Variants in PDE10A observed in about 807,000 individuals in gnomAD.
PDE10A encodes the protein cAMP and cAMP-inhibited cGMP 3',5'-cyclic phosphodiesterase 10A.
Under a neutral mutation model 97.7 loss-of-function variants are expected in PDE10A, and 39 were observed. The observed-to-expected ratio is 0.40, with a 90% CI of 0.31 to 0.52. The LOEUF (loss-of-function observed/expected upper bound fraction) is 0.52, where lower values mean the gene tolerates loss of function less well. PDE10A is among the 20% of genes least tolerant of loss of function. PDE10A has a pLI of 0.56. For synonymous variants in PDE10A, 371 were observed against 376.8 expected (o/e 0.98, Z 0.18); for missense variants, 731 against 1,047.8 (o/e 0.70, Z 4.17).
chr6:165,725,824 C>T (rs935920484), intron 1 of PDE10A, among the ~76,000 whole-genome samples: 13 of 152,148 alleles, frequency 8.5e-5, no homozygotes, highest in East Asian at 1.9e-4. Context: ...AAGCACAAGA[C>T]GTATCCAACT....
chr6:165,898,798 G>A (rs1203376467), intron 1 of PDE10A, among the ~76,000 whole-genome samples: 5 of 152,034 alleles, frequency 3.3e-5, no homozygotes, highest in African/African-American at 1.2e-4. Flanking sequence ...GGACCTGGCT[G>A]CTGCCTCCTC....
intron 1 of PDE10A, among the ~76,000 whole-genome samples, chr6:165,691,556 T>C (rs936894509): frequency 6.0e-5 from 9 of 151,118 alleles, no homozygotes; most frequent in Non-Finnish European, 1.3e-4. Flanking sequence ...GATGTGTGAC[T>C]GTACACGTGC....
At chr6:165,892,182 C>T (rs1781821978) in intron 1 of PDE10A, among the ~76,000 whole-genome samples, 1 of 152,150 alleles carries the variant, frequency 6.6e-6, no homozygotes, top group African/African-American at 2.4e-5. Context: ...CTTCTTGGTA[C>T]CGCTGGGATG....
intron 17 of PDE10A, among the ~76,000 whole-genome samples, chr6:165,383,202 T>C (rs1232913866): frequency 6.6e-6 from 1 of 152,222 alleles, no homozygotes; most frequent in Non-Finnish European, 1.5e-5. Context: ...TAATCATTCC[T>C]AATTGGTCTG....
At chr6:165,693,926 T>C (rs1449990449) in intron 1 of PDE10A, among the ~76,000 whole-genome samples, 1 of 152,232 alleles carries the variant, frequency 6.6e-6, no homozygotes, top group Non-Finnish European at 1.5e-5. Flanking sequence ...TTTTTTCCAG[T>C]TAATATGCAA....
chr6:165,636,251 G>A (rs1192245589), intron 1 of PDE10A, among the ~76,000 whole-genome samples: 1 of 151,980 alleles, frequency 6.6e-6, no homozygotes, highest in Non-Finnish European at 1.5e-5. Context: ...TATCCCATTA[G>A]CAAACACACA....
intron 1 of PDE10A, among the ~76,000 whole-genome samples, chr6:165,700,388 T>C (rs1017057782): frequency 6.6e-6 from 1 of 152,224 alleles, no homozygotes; most frequent in African/African-American, 2.4e-5. Flanking sequence ...AAATTGATTG[T>C]GGTGATGGTT....
chr6:165,983,260 A>G (rs953181034), intron 1 of PDE10A, among the ~76,000 whole-genome samples: 2 of 152,204 alleles, frequency 1.3e-5, no homozygotes, highest in Non-Finnish European at 2.9e-5. Context: ...CCCATTTACT[A>G]TCCTACGTTC....
At chr6:165,419,310 T>C (rs187773142) in intron 10 of PDE10A, among the ~76,000 whole-genome samples, 1 of 152,356 alleles carries the variant, frequency 6.6e-6, no homozygotes, top group Admixed American at 6.5e-5. Flanking sequence ...TTTTATTTGA[T>C]GTACTGTCTA....
chr6:165,900,728 A>C (rs995343916), intron 1 of PDE10A, among the ~76,000 whole-genome samples: 1 of 152,206 alleles, frequency 6.6e-6, no homozygotes, highest in Non-Finnish European at 1.5e-5. Context: ...GACAAAGTTT[A>C]CTTCCCCCTT....
chr6:165,425,852 T>C (rs186194454), intron 10 of PDE10A, among the ~76,000 whole-genome samples: 50 of 150,698 alleles, frequency 3.3e-4, no homozygotes, highest in African/African-American at 1.2e-3. Flanking sequence ...AATATATGAG[T>C]TCATCAAGCT....
At chr6:165,363,609 A>T (rs1194584013) in intron 18 of PDE10A, among the ~76,000 whole-genome samples, 1 of 152,206 alleles carries the variant, frequency 6.6e-6, no homozygotes, top group Admixed American at 6.5e-5. Context: ...TGAAGACGAC[A>T]TGACCTTGTG....
At chr6:165,529,083 A>G (rs577278869) in intron 2 of PDE10A, among the ~76,000 whole-genome samples, 2 of 152,302 alleles carry the variant, frequency 1.3e-5, no homozygotes, top group South Asian at 4.1e-4. Context: ...TTCCAGAGGA[A>G]GAAACACTGC....
chr6:165,456,428 A>G (rs1429523863), intron 3 of PDE10A, among the ~76,000 whole-genome samples: 1 of 152,218 alleles, frequency 6.6e-6, no homozygotes, highest in Non-Finnish European at 1.5e-5. Flanking sequence ...CACACAAATG[A>G]TACACGGCTG....
At chr6:165,350,516 TTTGAG>T (rs1396850081) in intron 18 of PDE10A, among the ~76,000 whole-genome samples, 3 of 152,124 alleles carry the variant, frequency 2.0e-5, no homozygotes, top group Non-Finnish European at 2.9e-5. Flanking sequence ...GACTTGAACT[TTTGAG>T]TTAACACTGG....
At chr6:165,939,015 G>A (rs1415504836) in intron 1 of PDE10A, among the ~76,000 whole-genome samples, 1 of 152,164 alleles carries the variant, frequency 6.6e-6, no homozygotes, top group Admixed American at 6.5e-5. Context: ...AATAAAATAT[G>A]GTGTTGCTAC....
chr6:165,752,111 C>T (rs1793017417), intron 1 of PDE10A, among the ~76,000 whole-genome samples: 1 of 144,368 alleles, frequency 6.9e-6, no homozygotes, highest in Non-Finnish European at 1.5e-5. Flanking sequence ...CCACTGCACT[C>T]CAGCCTGGGC....
In PDE10A at chr6:165,331,622, G is replaced by A. The variant is rs946093872; in HGVS notation, c.*1403C>T. 1.3e-5 allele frequency: 2 copies of A among 152,302 alleles called. No individual in the cohort carries two copies. Among genetic ancestry groups the A allele is most frequent in the African/African-American group, 4.8e-5 (2 of 41,568 alleles). The allele number at this position is 152,302 out of a possible 1,614,324, so 9.4% of individuals were successfully genotyped here. On this transcript the variant is annotated 3_prime_UTR_variant, in exon 22 of 22. Coordinates refer to ENST00000539869, the MANE Select transcript of PDE10A (RefSeq NM_001385079.1). ...CCTGTCACTTCCTGAGTGAGTCTCTGTCTAATTCAGGTTTGGAGGTTACCG... is the reference window on the plus strand; with the variant it reads ...CCTGTCACTTCCTGAGTGAGTCTCTATCTAATTCAGGTTTGGAGGTTACCG...
intron 1 of PDE10A, among the ~76,000 whole-genome samples, chr6:165,674,343 A>AT (rs778932599): frequency 7.0e-6 from 1 of 142,826 alleles, no homozygotes. Context: ...AAAAAAAAAA[A>AT]GGTGTGGTTC....
Sources: gnomAD v4.1 joint callset for allele counts (sites outside exome capture counted in the v4.1 genomes callset) on GRCh38, gnomAD v4.1.1 for gene constraint, MANE v1.5 for transcripts, NCBI Gene and HGNC (gene_info 2026-07-23, HGNC 2026-07-21) for gene names.